Variants in KCNJ4 observed in about 807,000 individuals in gnomAD.
KCNJ4 encodes the protein inward rectifier potassium channel 4.
KCNJ4 carries 3 observed loss-of-function variants against 25.6 expected under a neutral mutation model. That is an observed-to-expected ratio of 0.12 (90% confidence interval 0.05 to 0.30). The LOEUF is 0.30. Ranked by LOEUF, KCNJ4 falls within the 10% of genes least tolerant of loss-of-function variation. The pLI is 1.00. For missense variants in KCNJ4, 286 were observed against 666.8 expected, an observed-to-expected ratio of 0.43 and a Z score of 6.29; for synonymous variants, 257 against 283.9, an observed-to-expected ratio of 0.91 and a Z score of 0.95.
chr22:38,444,232 G>A (rs1038153584), intron 1 of KCNJ4, among the ~76,000 whole-genome samples: 3 of 152,170 alleles, frequency 2.0e-5, no homozygotes, highest in Non-Finnish European at 4.4e-5. Flanking sequence ...CCAGAGCCTG[G>A]CATAGAGTAG....
intron 1 of KCNJ4, among the ~76,000 whole-genome samples, chr22:38,433,269 G>GA (rs2093055593): frequency 6.6e-6 from 1 of 152,052 alleles, no homozygotes; most frequent in Admixed American, 6.6e-5. Flanking sequence ...CCAACATGGA[G>GA]AAAACTGTTT....
intron 1 of KCNJ4, among the ~76,000 whole-genome samples, chr22:38,429,961 A>G (rs2093044661): frequency 1.3e-5 from 2 of 152,230 alleles, no homozygotes; most frequent in Non-Finnish European, 2.9e-5. Flanking sequence ...CGCCAACGCT[A>G]TAATTTAGAG....
Position 38,427,945 on chromosome 22 carries a change from G to A in KCNJ4, c.188C>T (p.Ser63Phe). The change falls in exon 2 of 2, where the codon TCC becomes TTC. Residue 63 changes from serine (S) to phenylalanine (F), a missense_variant. Coordinates refer to ENST00000303592, the MANE Select transcript of KCNJ4 (RefSeq NM_152868.3). ...TRWRYMLMIF[S>F]AAFLVSWLFF... ...GAGCCAGGAGACAAGGAAGGCCGCG[G>A]AGAAGATCATGAGCATGTAGCGCCA... 1 of 1,613,996 alleles carries A rather than the reference G, an allele frequency of 6.2e-7. No individual in the cohort carries two copies. The highest frequency in any genetic ancestry group is 1.1e-5 in the South Asian group (1 of 91,090).
intron 1 of KCNJ4, among the ~76,000 whole-genome samples, chr22:38,452,621 C>T (rs924178179): frequency 6.6e-6 from 1 of 152,094 alleles, no homozygotes; most frequent in Non-Finnish European, 1.5e-5. Context: ...AGAAGAGAGA[C>T]GACAGATTGC....
At chr22:38,437,967 G>A (rs987991163) in intron 1 of KCNJ4, among the ~76,000 whole-genome samples, 1 of 151,928 alleles carries the variant, frequency 6.6e-6, no homozygotes, top group African/African-American at 2.4e-5. Flanking sequence ...GGCCAGGCAT[G>A]GTGGCTCACG....
At position 38,443,711 on chromosome 22, in the gene KCNJ4, G is replaced by A. The variant is rs867959307; in HGVS notation, c.-40+11269C>T. Among the ~76,000 whole-genome samples the A allele has an allele frequency of 1.3e-5, 2 of 152,080 alleles. No homozygotes were observed. Among genetic ancestry groups the A allele is most frequent in the Admixed American group, 6.5e-5 (1 of 15,272 alleles). The stretch of plus-strand genomic sequence containing the variant: ...CAAAGCGGGTGAACCTCGGGGCCCC[G>A]GACACGTCCCCTCACCTAGTCATCC... On this transcript the variant is annotated intron_variant, in intron 1 of 1. Coordinates refer to ENST00000303592, the MANE Select transcript of KCNJ4 (RefSeq NM_152868.3). The surrounding 1 kb of genome is among the most constrained non-coding windows in gnomAD (Gnocchi z 4.1).
At position 38,427,056 on chromosome 22, in the gene KCNJ4, G is replaced by A. The variant is rs751714566; in HGVS notation, c.1077C>T (p.Thr359=). 16 of 1,612,524 alleles carry A rather than the reference G, an allele frequency of 9.9e-6. No homozygotes were observed. The highest frequency in any genetic ancestry group is 6.7e-5 in the East Asian group (3 of 44,888). The change falls in exon 2 of 2, where the codon ACC becomes ACT. Residue 359 remains threonine, a synonymous_variant. Coordinates refer to ENST00000303592, the MANE Select transcript of KCNJ4 (RefSeq NM_152868.3). ...SARELQESKI[T]VLPAPPPPPS... Reference sequence around the variant, plus strand: ...GAGGGGGCGGTGGGGCGGGCAGCACGGTGATCTTACTCTCCTGCAGCTCCC... The same window carrying A: ...GAGGGGGCGGTGGGGCGGGCAGCACAGTGATCTTACTCTCCTGCAGCTCCC...
At chr22:38,446,205 C>T (rs1024152262) in intron 1 of KCNJ4, among the ~76,000 whole-genome samples, 10 of 152,204 alleles carry the variant, frequency 6.6e-5, no homozygotes, top group African/African-American at 2.4e-4. Flanking sequence ...AGTGGGGCCC[C>T]GCCCGTGGCT....
rs578186957 is a variant in KCNJ4, at chr22:38,450,895, G to A, written c.-40+4085C>T. Among the ~76,000 whole-genome samples, 130 of 152,118 alleles carry A rather than the reference G, an allele frequency of 8.5e-4. 1 individual carries two copies. Among genetic ancestry groups the A allele is most frequent in the African/African-American group, 3.0e-3 (126 of 41,502 alleles). On this transcript the variant is annotated intron_variant, in intron 1 of 1. Transcript: ENST00000303592. ...CCAAGCCCCAGCCCCAGGGAGGAAC[G>A]TTTTCCACTCTTTCCCCAGGGAAGC...
intron 1 of KCNJ4, among the ~76,000 whole-genome samples, chr22:38,436,751 G>A (rs1025480939): frequency 6.6e-6 from 1 of 152,140 alleles, no homozygotes; most frequent in African/African-American, 2.4e-5. Flanking sequence ...TTCTCACAAT[G>A]ATCTCAGAGG....
In KCNJ4 at chr22:38,438,028, C is replaced by T. The variant is rs567695093; in HGVS notation, c.-39-9857G>A. ...TCGAGGTGGGTGGATCACCTGAGGT[C>T]AGGAGTTTGAGACCAGCCCAGCCAA... is the stretch of plus-strand genomic sequence containing the variant. On this transcript the variant is annotated intron_variant, in intron 1 of 1. Transcript: ENST00000303592. Among the ~76,000 whole-genome samples, 24 of 151,740 alleles carry T rather than the reference C, an allele frequency of 1.6e-4. 1 individual carries two copies. Among genetic ancestry groups the T allele is most frequent in the Admixed American group, 1.3e-3 (20 of 15,240 alleles).
chr22:38,447,910 A>C (rs186344835), intron 1 of KCNJ4, among the ~76,000 whole-genome samples: 33 of 152,048 alleles, frequency 2.2e-4, no homozygotes, highest in Admixed American at 2.1e-3. Context: ...CTAAAAATAC[A>C]AAAATTAGCC....
chr22:38,439,774 CAAAAAA>C (rs112130946), intron 1 of KCNJ4, among the ~76,000 whole-genome samples: 1 of 85,212 alleles, frequency 1.2e-5, no homozygotes. Flanking sequence ...GACTCCATCT[CAAAAAA>C]AAAAAAAAAA....
At chr22:38,447,264 CACGAGTGGGCTTCCCCGGAGAT>C (rs1004953975) in intron 1 of KCNJ4, among the ~76,000 whole-genome samples, 2 of 152,212 alleles carry the variant, frequency 1.3e-5, no homozygotes, top group African/African-American at 4.8e-5. Context: ...ACCTTCCAGA[CACGAGTGGGCTTCCCCGGAGAT>C]GGGGAGCTCC....
intron 1 of KCNJ4, among the ~76,000 whole-genome samples, chr22:38,438,874 G>A (rs946704945): frequency 3.9e-5 from 6 of 152,290 alleles, no homozygotes; most frequent in African/African-American, 9.6e-5. Context: ...CAGGGCTGGC[G>A]GGCTGTCAGG....
intron 1 of KCNJ4, among the ~76,000 whole-genome samples, chr22:38,453,989 A>G (rs1417726858): frequency 6.6e-6 from 1 of 152,162 alleles, no homozygotes; most frequent in Non-Finnish European, 1.5e-5. Flanking sequence ...GGCCACAGTG[A>G]GGCTCTTGGG....
At chr22:38,450,299 G>C (rs1466593688) in intron 1 of KCNJ4, among the ~76,000 whole-genome samples, 3 of 151,968 alleles carry the variant, frequency 2.0e-5, no homozygotes, top group Non-Finnish European at 4.4e-5. Context: ...AGCGCTTTTC[G>C]ACAGCAGCCC....
At chr22:38,430,794 C>T (rs11704277) in intron 1 of KCNJ4, among the ~76,000 whole-genome samples, 12,105 of 152,230 alleles carry the variant, frequency 0.08, 563 homozygotes, top group East Asian at 0.13. Context: ...AGGGGCACCG[C>T]GGACTGTCAG....
Position 38,427,545 on chromosome 22 carries a change from G to A in KCNJ4, c.588C>T (p.Arg196=), listed in dbSNP as rs141134279. ...LFSHHAVISV[R]DGKLCLMWRV... is the part of the protein sequence containing the mutation. ...GCCACATGAGGCAGAGCTTGCCGTC[G>A]CGCACCGAAATGACCGCGTGGTGGC... The change falls in exon 2 of 2, where the codon CGC becomes CGT. Residue 196 remains arginine, a synonymous_variant. Transcript: ENST00000303592. 1.3e-4 allele frequency: 209 copies of A among 1,611,196 alleles called. No individual in the cohort carries two copies. The highest frequency in any genetic ancestry group is 1.2e-3 in the African/African-American group (92 of 74,990).
Sources: gnomAD v4.1 joint callset for allele counts (sites outside exome capture counted in the v4.1 genomes callset) on GRCh38, gnomAD v4.1.1 for gene constraint, Gnocchi (gnomAD v3.1) non-coding constraint, MANE v1.5 for transcripts, NCBI Gene and HGNC (gene_info 2026-07-23, HGNC 2026-07-21) for gene names.